Variants in ADAMTSL1 observed in about 807,000 individuals in gnomAD.
The protein encoded by ADAMTSL1 is ADAMTS-like protein 1.
Under a neutral mutation model 201.8 loss-of-function variants are expected in ADAMTSL1, and 126 were observed. The ratio of observed to expected loss-of-function variants is 0.62; its 90% CI spans 0.54 to 0.72. The LOEUF (loss-of-function observed/expected upper bound fraction) is 0.72, where lower values mean the gene tolerates loss of function less well. ADAMTSL1 is among the 30% of genes least tolerant of loss of function. The pLI is 0.00. For missense variants in ADAMTSL1, 2,679 were observed against 2,277.8 expected, an observed-to-expected ratio of 1.18 and a Z score of -3.59; for synonymous variants, 1,121 against 903.4, an observed-to-expected ratio of 1.24 and a Z score of -4.32.
chr9:18,310,019 C>T (rs1296616546), intron 2 of ADAMTSL1, among the ~76,000 whole-genome samples: 1 of 152,072 alleles, frequency 6.6e-6, no homozygotes, highest in Non-Finnish European at 1.5e-5. Context: ...ACAGAGGCCT[C>T]AGAAATACTG....
rs555681292 is a variant in ADAMTSL1 at position 17,957,841 on chromosome 9, T to A, written c.87+50919T>A. Among the ~76,000 whole-genome samples the A allele has an allele frequency of 2.0e-5, 3 of 152,252 alleles. No homozygotes were observed. The East Asian group carries it at 5.8e-4, about 30-fold the overall frequency. ...CAAGCCAAGAGATGCTAAGGGCTGCTGGGAGTCACCCAAAGCTAAGAAGAG... is the reference window on the plus strand; with the variant it reads ...CAAGCCAAGAGATGCTAAGGGCTGCAGGGAGTCACCCAAAGCTAAGAAGAG... On this transcript the variant is annotated intron_variant, in intron 1 of 29. Transcript: ENST00000680146.
chr9:18,582,493 G>GAGAGAGA (rs1823164760), intron 4 of ADAMTSL1, among the ~76,000 whole-genome samples: 1 of 152,142 alleles, frequency 6.6e-6, no homozygotes, highest in South Asian at 2.1e-4. Context: ...TATGAGAGCA[G>GAGAGAGA]ATCTTTCCTG....
chr9:17,949,709 C>G (rs1371136064), intron 1 of ADAMTSL1, among the ~76,000 whole-genome samples: 1 of 152,120 alleles, frequency 6.6e-6, no homozygotes, highest in Non-Finnish European at 1.5e-5. Context: ...CCAGGACTGA[C>G]AGTATCAGTC....
At chr9:18,615,180 A>G (rs1825619349) in intron 4 of ADAMTSL1, among the ~76,000 whole-genome samples, 1 of 152,198 alleles carries the variant, frequency 6.6e-6, no homozygotes, top group African/African-American at 2.4e-5. Flanking sequence ...TGGAGATTCT[A>G]TTTTCTCATA....
At chr9:18,649,372 C>A (rs147321688) in intron 7 of ADAMTSL1, among the ~76,000 whole-genome samples, 29 of 152,170 alleles carry the variant, frequency 1.9e-4, no homozygotes, top group East Asian at 9.7e-4. Flanking sequence ...TCGTCTGAAG[C>A]CTTCTTCTCT....
chr9:18,578,749 T>C (rs1200954140), intron 4 of ADAMTSL1, among the ~76,000 whole-genome samples: 2 of 151,928 alleles, frequency 1.3e-5, no homozygotes, highest in Non-Finnish European at 2.9e-5. Context: ...TACCCAGTAA[T>C]GGGATGGCTG....
rs376670433 is a variant in ADAMTSL1 at position 18,485,358 on chromosome 9, T to C, written c.63+11063T>C. Among the ~76,000 whole-genome samples the C allele has an allele frequency of 5.9e-5, 9 of 152,354 alleles. No individual in the cohort carries two copies. In the South Asian group the frequency reaches 1.2e-3, roughly 21 times the overall value. On this transcript the variant is annotated intron_variant, in intron 1 of 28. Coordinates refer to ENST00000380548, the MANE Select transcript of ADAMTSL1 (RefSeq NM_001040272.6). ...AAAGCTAACCAATGTCCTTATTCTCTTTATTCTATGTGTCAACACATACTT... is the reference window on the plus strand; with the variant it reads ...AAAGCTAACCAATGTCCTTATTCTCCTTATTCTATGTGTCAACACATACTT...
In ADAMTSL1 at chr9:18,054,739, T is replaced by A. The variant is rs2026900; in HGVS notation, c.88-109123T>A. ...GTTACATGTACTTCAATAATATTTT[T>A]TAAACCCTTTTATCAAGGCTGTCTT... is the stretch of plus-strand genomic sequence containing the variant. On this transcript the variant is annotated intron_variant, in intron 1 of 29. Coordinates refer to the ADAMTSL1 transcript ENST00000680146. Among the ~76,000 whole-genome samples the A allele has an allele frequency of 0.018, 2,776 of 152,336 alleles. 322 individuals are homozygous for A. The East Asian group carries it at 0.34, about 19-fold the overall frequency.
intron 2 of ADAMTSL1, among the ~76,000 whole-genome samples, chr9:18,309,239 G>A (rs1325752762): frequency 1.3e-5 from 2 of 152,072 alleles, no homozygotes; most frequent in Non-Finnish European, 2.9e-5. Context: ...CTTACTGAAC[G>A]GGCAAAACCT....
intron 17 of ADAMTSL1, among the ~76,000 whole-genome samples, chr9:18,773,944 G>C (rs1392380820): frequency 1.3e-5 from 2 of 152,194 alleles, no homozygotes; most frequent in Non-Finnish European, 2.9e-5. Flanking sequence ...CAATGGGTTT[G>C]ATTCTCACCA....
chr9:18,074,506 CT>C (rs1563983962), intron 1 of ADAMTSL1, among the ~76,000 whole-genome samples: 2 of 68,300 alleles, frequency 2.9e-5, no homozygotes, highest in African/African-American at 1.8e-4. Context: ...CTTTTCTTTT[CT>C]TTTCTTCTTT....
rs573229343 is a variant in ADAMTSL1, at chr9:18,509,028, C to G, written c.191+4072C>G. On this transcript the variant is annotated intron_variant, in intron 2 of 28. Coordinates refer to ENST00000380548, the MANE Select transcript of ADAMTSL1 (RefSeq NM_001040272.6). ...TGAAACCCCGTCTCTACTAAAAATA[C>G]AAAAAATTAGCCGGGCGCGGTGGCG... 1.1e-3 allele frequency among the ~76,000 whole-genome samples: 136 copies of G among 124,768 alleles called. 20 individuals are homozygous for G. Among genetic ancestry groups the G allele is most frequent in the African/African-American group, 4.4e-3 (130 of 29,622 alleles). The allele number at this position is 124,768 out of a possible 152,430, so 81.9% of individuals were successfully genotyped here.
intron 1 of ADAMTSL1, among the ~76,000 whole-genome samples, chr9:18,019,699 T>C (rs376159127): frequency 6.6e-5 from 10 of 152,164 alleles, no homozygotes; most frequent in South Asian, 2.1e-4. Flanking sequence ...AGCAGGAACA[T>C]TGGACTTGGA....
intron 26 of ADAMTSL1, among the ~76,000 whole-genome samples, chr9:18,898,183 C>G (rs117059175): frequency 1.3e-5 from 2 of 151,930 alleles, no homozygotes; most frequent in Non-Finnish European, 2.9e-5. Context: ...AGCGAGACTC[C>G]GTCTCAAAAA....
At chr9:17,942,143 A>C (rs887708762) in intron 1 of ADAMTSL1, among the ~76,000 whole-genome samples, 1 of 152,158 alleles carries the variant, frequency 6.6e-6, no homozygotes, top group African/African-American at 2.4e-5. Context: ...AGAAGTTACC[A>C]GAGGCAGGGG....
At chr9:18,043,833 A>G (rs1411346994) in intron 1 of ADAMTSL1, among the ~76,000 whole-genome samples, 2 of 151,950 alleles carry the variant, frequency 1.3e-5, no homozygotes, top group East Asian at 3.9e-4. Flanking sequence ...TAGGGAAGGA[A>G]TGTACTTTAG....
intron 1 of ADAMTSL1, among the ~76,000 whole-genome samples, chr9:17,934,902 T>TAAA (rs59536452): frequency 2.8e-5 from 4 of 143,716 alleles, no homozygotes; most frequent in African/African-American, 7.7e-5. Context: ...CTATTTCCTT[T>TAAA]AAAAAAAAAA....
intron 5 of ADAMTSL1, 111 bp from the exon 6 acceptor site, chr9:18,635,832 T>TA (rs1166483525): frequency 1.3e-5 from 11 of 871,432 alleles, no homozygotes; most frequent in Middle Eastern, 2.3e-4. Context: ...TTCAAACACT[T>TA]AAAAAAACTG....
chr9:18,262,029 G>C (rs893566167), intron 2 of ADAMTSL1, among the ~76,000 whole-genome samples: 9 of 152,112 alleles, frequency 5.9e-5, no homozygotes, highest in Non-Finnish European at 1.0e-4. Context: ...ATGGTAACTA[G>C]ACATGCCGGG....
Sources: allele counts gnomAD v4.1 joint callset (sites outside exome capture counted in the v4.1 genomes callset), GRCh38; gene constraint gnomAD v4.1.1; transcripts MANE v1.5; gene names NCBI Gene and HGNC (gene_info 2026-07-23, HGNC 2026-07-21).